PTPRD: variants seen among roughly 807,000 people sequenced by gnomAD.
The protein encoded by PTPRD is receptor-type tyrosine-protein phosphatase delta.
Under a neutral mutation model 214.5 loss-of-function variants are expected in PTPRD, and 34 were observed. The ratio of observed to expected loss-of-function variants is 0.16; its 90% CI spans 0.12 to 0.21. The LOEUF (loss-of-function observed/expected upper bound fraction) is 0.21, where lower values mean the gene tolerates loss of function less well. Ranked by LOEUF, PTPRD falls within the 10% of genes least tolerant of loss-of-function variation. The pLI, the probability that PTPRD is intolerant of heterozygous loss-of-function variation, is 1.00. For synonymous variants in PTPRD, 1,128 were observed against 845.7 expected (o/e 1.33, Z -5.79); for missense variants, 2,545 against 2,398.7 (o/e 1.06, Z -1.27).
chr9:9,882,735 A>G (rs1431676771), intron 5 of PTPRD, among the ~76,000 whole-genome samples: 1 of 146,416 alleles, frequency 6.8e-6, no homozygotes, highest in African/African-American at 2.7e-5. Flanking sequence ...CAACCCCCCT[A>G]TACACCCCCA....
chr9:10,463,398 G>C (rs866090494), intron 2 of PTPRD, among the ~76,000 whole-genome samples: 12 of 152,082 alleles, frequency 7.9e-5, no homozygotes, highest in African/African-American at 2.9e-4. Flanking sequence ...GATGAAAAAG[G>C]AGATGACAGA....
At chr9:9,381,183 A>C (rs2140308496) in intron 9 of PTPRD, among the ~76,000 whole-genome samples, 1 of 152,158 alleles carries the variant, frequency 6.6e-6, no homozygotes, top group African/African-American at 2.4e-5. Flanking sequence ...ATTGTTCTTC[A>C]AAGTCATTAT....
intron 3 of PTPRD, among the ~76,000 whole-genome samples, chr9:10,118,462 A>G (rs1174118503): frequency 6.6e-6 from 1 of 151,748 alleles, no homozygotes; most frequent in African/African-American, 2.4e-5. Context: ...AACAAGCCCC[A>G]AATACTTCAC....
intron 2 of PTPRD, among the ~76,000 whole-genome samples, chr9:10,541,996 C>A (rs1220622923): frequency 1.3e-5 from 2 of 152,122 alleles, no homozygotes; most frequent in South Asian, 2.1e-4. Context: ...CAGGTCATAA[C>A]CCCATTTATA....
At chr9:10,274,372 T>C (rs1168088880) in intron 3 of PTPRD, among the ~76,000 whole-genome samples, 4 of 152,200 alleles carry the variant, frequency 2.6e-5, no homozygotes, top group Non-Finnish European at 5.9e-5. Context: ...CCAGAAGTGC[T>C]ATGACAACAG....
intron 4 of PTPRD, among the ~76,000 whole-genome samples, chr9:9,986,745 C>G (rs925469819): frequency 2.0e-5 from 3 of 152,062 alleles, no homozygotes; most frequent in African/African-American, 7.2e-5. Context: ...AATTAATTCA[C>G]TTTTGTGATT....
At chr9:10,501,306 T>G (rs769106059) in intron 2 of PTPRD, among the ~76,000 whole-genome samples, 1 of 152,090 alleles carries the variant, frequency 6.6e-6, no homozygotes, top group African/African-American at 2.4e-5. Context: ...GTTGAGCAAC[T>G]TTTTAGATAT....
chr9:9,608,375 A>G (rs1216073415), intron 7 of PTPRD, among the ~76,000 whole-genome samples: 1 of 152,114 alleles, frequency 6.6e-6, no homozygotes, highest in Non-Finnish European at 1.5e-5. Context: ...AAACCTTTTA[A>G]TACTGTACTA....
intron 5 of PTPRD, among the ~76,000 whole-genome samples, chr9:9,917,302 GAA>G (rs140708788): frequency 0.073 from 1,544 of 21,176 alleles, 66 homozygotes; most frequent in African/African-American, 0.18. Flanking sequence ...TAGCTAGACT[GAA>G]AAAAAAAAAA....
At chr9:9,226,746 A>G (rs2099959743) in intron 9 of PTPRD, among the ~76,000 whole-genome samples, 1 of 152,078 alleles carries the variant, frequency 6.6e-6, no homozygotes, top group Non-Finnish European at 1.5e-5. Flanking sequence ...TATAAGCTGC[A>G]TGAAGGTAAC....
chr9:10,521,441 T>A lies in PTPRD; in HGVS notation c.-600+90957A>T, dbSNP rs538602743. 4.8e-4 allele frequency among the ~76,000 whole-genome samples: 73 copies of A among 152,294 alleles called. 2 individuals carry two copies. In the South Asian group the frequency reaches 0.015, roughly 31 times the overall value. On this transcript the variant is annotated intron_variant, in intron 2 of 45. Transcript: ENST00000381196. ...ACTCCTGGTGAAGATGTAGCGAACA[T>A]TTTTCAAAAGACAATAAATGATTAG...
chr9:10,247,577 A>G (rs2092299626), intron 3 of PTPRD, among the ~76,000 whole-genome samples: 1 of 152,130 alleles, frequency 6.6e-6, no homozygotes, highest in African/African-American at 2.4e-5. Flanking sequence ...TTGCTGTCAC[A>G]TTTGTGTCAT....
chr9:8,712,733 G>C (rs545990628), intron 12 of PTPRD, among the ~76,000 whole-genome samples: 1 of 151,468 alleles, frequency 6.6e-6, no homozygotes, highest in East Asian at 2.0e-4. Context: ...TGGGGGGTGG[G>C]GGGCATGGAC....
At chr9:9,960,280 A>G (rs976310786) in intron 4 of PTPRD, among the ~76,000 whole-genome samples, 1 of 152,080 alleles carries the variant, frequency 6.6e-6, no homozygotes, top group African/African-American at 2.4e-5. Flanking sequence ...ATAGCTCCCA[A>G]TGGCCAAAGC....
At chr9:9,689,274 G>A (rs2097220266) in intron 7 of PTPRD, among the ~76,000 whole-genome samples, 1 of 151,624 alleles carries the variant, frequency 6.6e-6, no homozygotes, top group Non-Finnish European at 1.5e-5. Flanking sequence ...AGTGAAATAT[G>A]GTAACATCTT....
At chr9:10,276,828 C>T (rs1176171213) in intron 3 of PTPRD, among the ~76,000 whole-genome samples, 1 of 152,126 alleles carries the variant, frequency 6.6e-6, no homozygotes, top group Non-Finnish European at 1.5e-5. Context: ...AAAGCCAACC[C>T]AAATTAGAGT....
At chr9:9,329,080 T>C (rs1368135636) in intron 9 of PTPRD, among the ~76,000 whole-genome samples, 1 of 152,098 alleles carries the variant, frequency 6.6e-6, no homozygotes, top group Non-Finnish European at 1.5e-5. Flanking sequence ...ACAGTGACTC[T>C]GGGAAAATTC....
At chr9:8,822,809 C>T (rs2097097832) in intron 11 of PTPRD, among the ~76,000 whole-genome samples, 1 of 151,946 alleles carries the variant, frequency 6.6e-6, no homozygotes, top group Non-Finnish European at 1.5e-5. Context: ...AAACTTCAAC[C>T]CCCTCCCATC....
intron 2 of PTPRD, among the ~76,000 whole-genome samples, chr9:10,586,668 TA>T (rs2073987165): frequency 6.6e-6 from 1 of 152,102 alleles, no homozygotes; most frequent in Non-Finnish European, 1.5e-5. Flanking sequence ...AAGCAATGAC[TA>T]AAGTGCCGAG....
Sources: gnomAD v4.1 joint callset for allele counts (sites outside exome capture counted in the v4.1 genomes callset) on GRCh38, gnomAD v4.1.1 for gene constraint, MANE v1.5 for transcripts, NCBI Gene and HGNC (gene_info 2026-07-23, HGNC 2026-07-21) for gene names.